ERCC5: variants seen among roughly 807,000 people sequenced by gnomAD.
The protein encoded by ERCC5 is DNA excision repair protein ERCC-5.
Under a neutral mutation model 105.6 loss-of-function variants are expected in ERCC5, and 68 were observed. The observed-to-expected ratio is 0.64, with a 90% CI of 0.53 to 0.79. The LOEUF (loss-of-function observed/expected upper bound fraction) is 0.79, where lower values mean the gene tolerates loss of function less well. ERCC5 is among the 30% of genes least tolerant of loss of function. The probability of loss-of-function intolerance (pLI) is 0.00; values close to 1 mark genes in which losing one functional copy is unlikely to be tolerated. For synonymous variants in ERCC5, 546 were observed against 526.2 expected (o/e 1.04, Z -0.51); for missense variants, 1,373 against 1,426.7 (o/e 0.96, Z 0.61).
chr13:102,862,714 T>G lies in ERCC5; in HGVS notation c.1565T>G (p.Leu522Arg), dbSNP rs1356771612. The change falls in exon 8 of 15, where the codon CTG becomes CGG. Residue 522 changes from leucine to arginine, a missense_variant. Physicochemically the swap from Leu to Arg is moderately radical, Grantham distance 102. Around this residue, in one of 3 missense-constraint regions of ERCC5, gnomAD observed 1,004 missense variants for 1,059.7 expected, o/e 0.95. Coordinates refer to ENST00000652225, the MANE Select transcript of ERCC5 (RefSeq NM_000123.4). ...CCTGGGCTCCCGAATGGAAGGGAAC[T>G]GACACCGGCATCTCCAACTTGTACA... ...DAPGLPNGRELTPASPTCTNS... is the reference protein window; with the variant it reads ...DAPGLPNGRERTPASPTCTNS... 6.2e-7 allele frequency: 1 copy of G among 1,614,206 alleles called. No homozygotes were observed. The highest frequency in any genetic ancestry group is 1.1e-5 in the South Asian group (1 of 91,088).
At chr13:102,872,164 T>TATA in intron 12 of ERCC5, 34 bp from the exon 13 acceptor site, 1 of 1,606,768 alleles carries the variant, frequency 6.2e-7, no homozygotes, top group Non-Finnish European at 8.5e-7. Context: ...AATGTCTCAT[T>TATA]GCTGTGTAAG....
At chr13:102,859,949 A>C (rs1372347348) in intron 6 of ERCC5, among the ~76,000 whole-genome samples, 2 of 152,238 alleles carry the variant, frequency 1.3e-5, no homozygotes, top group East Asian at 3.8e-4. Flanking sequence ...TAAGTTGCAC[A>C]CCATTCTGAG....
At chr13:102,855,283 TCTGTTGCCCAGA>T (rs1338949566) in intron 4 of ERCC5, among the ~76,000 whole-genome samples, 1 of 152,034 alleles carries the variant, frequency 6.6e-6, no homozygotes, top group Non-Finnish European at 1.5e-5. Context: ...AGATGGAGTC[TCTGTTGCCCAGA>T]CTGGAGTGCA....
At chr13:102,848,338 G>A (rs1053439348) in intron 1 of ERCC5, among the ~76,000 whole-genome samples, 5 of 152,024 alleles carry the variant, frequency 3.3e-5, no homozygotes, top group Admixed American at 1.3e-4. Flanking sequence ...TATTATACTA[G>A]TTTCATAATT....
At chr13:102,851,866 G>A (rs1882218898) in intron 1 of ERCC5, among the ~76,000 whole-genome samples, 1 of 151,940 alleles carries the variant, frequency 6.6e-6, no homozygotes, top group Non-Finnish European at 1.5e-5. Context: ...TCTTTGCAAT[G>A]AGACTTCTTA....
intron 12 of ERCC5, among the ~76,000 whole-genome samples, chr13:102,868,893 A>G (rs1882938677): frequency 6.6e-6 from 1 of 152,208 alleles, no homozygotes; most frequent in African/African-American, 2.4e-5. Context: ...ATGTCTGGGA[A>G]AGTAGTTTTT....
At chr13:102,847,564 G>T (rs908210316) in intron 1 of ERCC5, among the ~76,000 whole-genome samples, 4 of 152,164 alleles carry the variant, frequency 2.6e-5, no homozygotes, top group Admixed American at 1.3e-4. Context: ...AACATAATGA[G>T]ATTATCATTT....
Position 102,875,940 on chromosome 13 carries a change from G to C in ERCC5, c.*37G>C. ...GTATCCTCTATAATTAGTTATGACAGCCATTTGTAATGAATTTGTCGCAAA... is the reference window on the plus strand; with the variant it reads ...GTATCCTCTATAATTAGTTATGACACCCATTTGTAATGAATTTGTCGCAAA... On this transcript the variant is annotated 3_prime_UTR_variant, in exon 15 of 15. Transcript: ENST00000652225. 6.3e-7 allele frequency: 1 copy of C among 1,595,004 alleles called. No homozygotes were observed. Among genetic ancestry groups the C allele is most frequent in the East Asian group, 2.2e-5 (1 of 44,470 alleles).
rs776324799 is a variant in ERCC5, at chr13:102,866,760, T to G, written c.2448T>G (p.Phe816Leu). ...CTGATGACAGTGATATCTGGCTGTT[T>G]GGAGCGCGGCATGTCTATAGAAACT... ...TITDDSDIWL[F>L]GARHVYRNFF... The change falls in exon 11 of 15, where the codon TTT (phenylalanine) becomes TTG (leucine). Residue 816 changes from phenylalanine to leucine, a missense_variant. Around this residue, in one of 3 missense-constraint regions of ERCC5, gnomAD observed 1,004 missense variants for 1,059.7 expected, o/e 0.95. Coordinates refer to ENST00000652225, the MANE Select transcript of ERCC5 (RefSeq NM_000123.4). 1 of 1,614,276 alleles carries G rather than the reference T, an allele frequency of 6.2e-7. No individual in the cohort carries two copies. Among genetic ancestry groups the G allele is most frequent in the East Asian group, 2.2e-5 (1 of 44,888 alleles).
chr13:102,858,316 T>C lies in ERCC5; in HGVS notation c.570T>C (p.Ser190=), dbSNP rs376691349. ...ATCCTCAAGCGATAGATATTGAGTCTGAGGACTTCAGCAGCCTGCCCCCTG... is the reference window on the plus strand; with the variant it reads ...ATCCTCAAGCGATAGATATTGAGTCCGAGGACTTCAGCAGCCTGCCCCCTG... ...FHNPQAIDIE[S]EDFSSLPPEV... Residue 190 remains serine (S), a synonymous_variant, in exon 6 of 15, where the codon TCT becomes TCC. Transcript: ENST00000652225. 5 of 1,614,178 alleles carry C rather than the reference T, an allele frequency of 3.1e-6. No homozygotes were observed. The highest frequency in any genetic ancestry group is 1.1e-5 in the South Asian group (1 of 91,084).
At chr13:102,857,419 A>G (rs192429434) in intron 5 of ERCC5, among the ~76,000 whole-genome samples, 28 of 152,298 alleles carry the variant, frequency 1.8e-4, no homozygotes, top group African/African-American at 6.3e-4. Flanking sequence ...TGATGGGAGC[A>G]TTAGTGAGGG....
Position 102,868,204 on chromosome 13 carries a change from G to A in ERCC5, c.2625G>A (p.Met875Ile), listed in dbSNP as rs1882914273. ...CAACTGTGGGTTGTGTAACCGCCAT[G>A]GAAATTCTCAATGAATTCCCTGGGC... is the stretch of plus-strand genomic sequence containing the variant. ...GIPTVGCVTA[M>I]EILNEFPGHG... The change falls in exon 12 of 15, where the codon ATG becomes ATA. Residue 875 changes from methionine to isoleucine, a missense_variant. This residue lies in a region of ERCC5 where 1,004 missense variants were observed against 1,059.7 expected (regional missense o/e 0.95). Transcript: ENST00000652225. 1 of 1,614,160 alleles carries A rather than the reference G, an allele frequency of 6.2e-7. No individual in the cohort carries two copies. Among genetic ancestry groups the A allele is most frequent in the African/African-American group, 1.3e-5 (1 of 75,040 alleles).
chr13:102,855,831 C>T (rs1227489692), intron 4 of ERCC5, among the ~76,000 whole-genome samples: 1 of 152,166 alleles, frequency 6.6e-6, no homozygotes, highest in Non-Finnish European at 1.5e-5. Context: ...CCTATTGCAT[C>T]TCTAGTGACC....
chr13:102,849,528 C>T, intron 1 of ERCC5: 1 of 448,890 alleles, frequency 2.2e-6, no homozygotes, highest in Non-Finnish European at 4.5e-6. Context: ...TTGCTTTCCA[C>T]TAGGTATTTT....
intron 1 of ERCC5, 129 bp downstream of exon 1, chr13:102,846,483 ATC>A: frequency 7.5e-6 from 6 of 802,492 alleles, no homozygotes; most frequent in East Asian, 2.7e-5. Flanking sequence ...TCGCTATAGA[ATC>A]TCTGTCACTA....
rs4150388 is a variant in ERCC5 at position 102,875,581 on chromosome 13, G to A, written c.3239G>A (p.Gly1080Glu). 857 of 1,612,840 alleles carry A rather than the reference G, an allele frequency of 5.3e-4. 2 individuals carry two copies. The African/African-American group carries it at 7.9e-3, about 15-fold the overall frequency. The change falls in exon 15 of 15, where the codon GGA becomes GAA. Residue 1080 changes from glycine (G) to glutamate (E), a missense_variant. Gly to Glu is a moderately conservative substitution (Grantham distance 98, BLOSUM62 -2). Transcript: ENST00000652225. Reference sequence around the variant, plus strand: ...AGAAAGAGGCTTTCAGATTCTAAAGGAAAGAATACATGCGGTGGATTTTTG... The same window carrying A: ...AGAAAGAGGCTTTCAGATTCTAAAGAAAAGAATACATGCGGTGGATTTTTG... ...LKRKRLSDSK[G>E]KNTCGGFLGE...
intron 7 of ERCC5, 45 bp from the exon 8 acceptor site, chr13:102,861,985 A>C (rs1229278300): frequency 6.2e-7 from 1 of 1,608,688 alleles, no homozygotes; most frequent in African/African-American, 1.3e-5. Flanking sequence ...GCGTATTGTC[A>C]CACTGTAAAA....
Position 102,875,739 on chromosome 13 carries a change from G to A in ERCC5, c.3397G>A (p.Val1133Met). Reference sequence around the variant, plus strand: ...CAGTGCTTCAGATTCGCAGAACTCAGTGAAGGAAGCTCCCGTGAAGAATGG... The same window carrying A: ...CAGTGCTTCAGATTCGCAGAACTCAATGAAGGAAGCTCCCGTGAAGAATGG... ...KTSASDSQNS[V>M]KEAPVKNGGA... Residue 1133 changes from valine to methionine, a missense_variant, in exon 15 of 15, where the codon GTG becomes ATG. Physicochemically the swap from Val to Met is conservative, Grantham distance 21. Around this residue, in one of 3 missense-constraint regions of ERCC5, gnomAD observed 367 missense variants for 350.2 expected, o/e 1.05. Coordinates refer to ENST00000652225, the MANE Select transcript of ERCC5 (RefSeq NM_000123.4). The A allele has an allele frequency of 6.2e-7, 1 of 1,614,196 alleles. No homozygotes were observed. The highest frequency in any genetic ancestry group is 1.3e-5 in the African/African-American group (1 of 75,040).
intron 12 of ERCC5, among the ~76,000 whole-genome samples, chr13:102,870,672 A>G (rs1189310138): frequency 1.3e-5 from 2 of 152,332 alleles, no homozygotes; most frequent in African/African-American, 2.4e-5. Context: ...TGTAAAAGTA[A>G]TGAAGAAAAA....
Sources: allele counts gnomAD v4.1 joint callset (sites outside exome capture counted in the v4.1 genomes callset), GRCh38; gene constraint gnomAD v4.1.1; regional missense constraint gnomAD v4.1.1; transcripts MANE v1.5; gene names NCBI Gene and HGNC (gene_info 2026-07-23, HGNC 2026-07-21).